The following VAV3 variants were observed in gnomAD, a reference collection of about 807,000 sequenced individuals.
The protein encoded by VAV3 is vav guanine nucleotide exchange factor 3.
In VAV3, 94 loss-of-function variants were observed where a neutral mutation model predicts 131.2. The ratio of observed to expected loss-of-function variants is 0.72; its 90% CI spans 0.61 to 0.85. The LOEUF (loss-of-function observed/expected upper bound fraction) is 0.85. Among genes scored for constraint, VAV3 ranks in the 40% least tolerant of loss-of-function variants. VAV3 has a pLI of 0.00. For synonymous variants in VAV3, 349 were observed against 342.0 expected (o/e 1.02, Z -0.22); for missense variants, 939 against 1,002.7 (o/e 0.94, Z 0.86).
chr1:107,882,197 G>C lies in VAV3; in HGVS notation c.205-7180C>G, dbSNP rs147074948. ...ACATTTCATGAGAAGGTCGGTGAGT[G>C]CTAATAGACCTTCACACAATGTAGA... is the stretch of plus-strand genomic sequence containing the variant. On this transcript the variant is annotated intron_variant, in intron 1 of 26. Transcript: ENST00000370056. 4.1e-3 allele frequency among the ~76,000 whole-genome samples: 625 copies of C among 152,270 alleles called. 5 individuals carry two copies. Among genetic ancestry groups the C allele is most frequent in the African/African-American group, 0.014 (587 of 41,562 alleles).
At chr1:107,899,424 G>T (rs17020298) in intron 1 of VAV3, among the ~76,000 whole-genome samples, 4,295 of 152,224 alleles carry the variant, frequency 0.028, 97 homozygotes, top group East Asian at 0.1. Context: ...CGACCTTACA[G>T]CCCACTAGCA....
rs1019607201 is a variant in VAV3, at chr1:107,823,500, TA to T, written c.322-44009del. Among the ~76,000 whole-genome samples, 186 of 150,200 alleles carry T rather than the reference TA, an allele frequency of 1.2e-3. 1 individual carries two copies. The highest frequency in any genetic ancestry group is 7.2e-3 in the South Asian group (34 of 4,744). On this transcript the variant is annotated intron_variant, in intron 2 of 26. Coordinates refer to ENST00000370056, the MANE Select transcript of VAV3 (RefSeq NM_006113.5). ...ACTCCCCACGTGGGCTGGGTAGCATTAAAAAAAAATAATAAAGATTAGAATA... is the reference window on the plus strand; with the variant it reads ...ACTCCCCACGTGGGCTGGGTAGCATTAAAAAAAATAATAAAGATTAGAATA...
At chr1:107,719,341 G>T (rs561506960) in intron 15 of VAV3, among the ~76,000 whole-genome samples, 1 of 152,160 alleles carries the variant, frequency 6.6e-6, no homozygotes, top group East Asian at 1.9e-4. Context: ...AATCTACAAA[G>T]AACTTAAACA....
chr1:107,817,393 A>G (rs1257779107), intron 2 of VAV3, among the ~76,000 whole-genome samples: 1 of 152,106 alleles, frequency 6.6e-6, no homozygotes, highest in Non-Finnish European at 1.5e-5. Context: ...ATCATCAACC[A>G]CAGCAAGGCT....
intron 1 of VAV3, among the ~76,000 whole-genome samples, chr1:107,923,122 T>C (rs887060583): frequency 1.3e-5 from 2 of 152,174 alleles, no homozygotes; most frequent in African/African-American, 4.8e-5. Context: ...TCCCTTCCTG[T>C]CTCTAGCATC....
At chr1:107,949,102 C>T (rs943936821) in intron 1 of VAV3, among the ~76,000 whole-genome samples, 3 of 152,148 alleles carry the variant, frequency 2.0e-5, no homozygotes, top group African/African-American at 7.2e-5. Flanking sequence ...GCCTCACAAG[C>T]TTATTAGAAT....
At chr1:107,763,786 T>A (rs996493937) in intron 9 of VAV3, among the ~76,000 whole-genome samples, 1 of 152,172 alleles carries the variant, frequency 6.6e-6, no homozygotes, top group Non-Finnish European at 1.5e-5. Context: ...TTTCCCTTTG[T>A]GGGAGTTGTG....
At chr1:107,846,507 T>C (rs915273206) in intron 2 of VAV3, among the ~76,000 whole-genome samples, 1 of 152,202 alleles carries the variant, frequency 6.6e-6, no homozygotes, top group African/African-American at 2.4e-5. Flanking sequence ...TGGTGTGCTG[T>C]ATTCAGGAGA....
At chr1:107,609,798 T>C (rs1652578902) in intron 22 of VAV3, 133 bp downstream of exon 22, 10 of 876,718 alleles carry the variant, frequency 1.1e-5, no homozygotes, top group African/African-American at 1.7e-5. Flanking sequence ...TTATGGTGTT[T>C]TGTTACATCT....
At chr1:107,818,197 A>C (rs1034765669) in intron 2 of VAV3, among the ~76,000 whole-genome samples, 65 of 152,334 alleles carry the variant, frequency 4.3e-4, no homozygotes, top group Non-Finnish European at 1.8e-4. Flanking sequence ...AATTCAGCAG[A>C]TGATGGACAC....
chr1:107,699,476 C>T (rs1315907935), intron 17 of VAV3, among the ~76,000 whole-genome samples: 1 of 152,210 alleles, frequency 6.6e-6, no homozygotes, highest in Non-Finnish European at 1.5e-5. Context: ...TGCGGGTTTT[C>T]CAGGCACAGT....
At chr1:107,699,719 G>C (rs971313760) in intron 17 of VAV3, among the ~76,000 whole-genome samples, 1 of 152,054 alleles carries the variant, frequency 6.6e-6, no homozygotes, top group Admixed American at 6.5e-5. Context: ...GCTTCCCAAA[G>C]CTCGATTCTT....
intron 1 of VAV3, among the ~76,000 whole-genome samples, chr1:107,906,667 A>G (rs1672123639): frequency 6.6e-6 from 1 of 152,190 alleles, no homozygotes; most frequent in Admixed American, 6.5e-5. Context: ...CTCCATTTCA[A>G]AAAAATTAAA....
At chr1:107,752,034 A>G (rs1465998978) in intron 12 of VAV3, among the ~76,000 whole-genome samples, 1 of 152,244 alleles carries the variant, frequency 6.6e-6, no homozygotes, top group East Asian at 1.9e-4. Context: ...AATAGTCAAA[A>G]CAATCTTGAA....
chr1:107,691,437 T>C (rs373761719), intron 17 of VAV3, among the ~76,000 whole-genome samples: 43 of 152,282 alleles, frequency 2.8e-4, no homozygotes, highest in African/African-American at 9.6e-4. Flanking sequence ...AGTTCTGCAA[T>C]AGAGCTGAGA....
At chr1:107,942,110 T>C (rs1674021171) in intron 1 of VAV3, among the ~76,000 whole-genome samples, 1 of 152,184 alleles carries the variant, frequency 6.6e-6, no homozygotes. Flanking sequence ...TGTTAACACC[T>C]TGAAACTCAG....
intron 1 of VAV3, among the ~76,000 whole-genome samples, chr1:107,883,509 A>G (rs1257911869): frequency 6.6e-6 from 1 of 152,250 alleles, no homozygotes; most frequent in South Asian, 2.1e-4. Flanking sequence ...AAAATTTTAC[A>G]TTAAATTGTC....
chr1:107,918,063 C>T (rs1445056918), intron 1 of VAV3, among the ~76,000 whole-genome samples: 1 of 152,142 alleles, frequency 6.6e-6, no homozygotes, highest in Non-Finnish European at 1.5e-5. Context: ...AAGCTAACTT[C>T]AGAAGGAAAT....
intron 12 of VAV3, among the ~76,000 whole-genome samples, chr1:107,752,607 C>CA (rs1365488808): frequency 5.3e-5 from 8 of 152,078 alleles, no homozygotes; most frequent in African/African-American, 1.9e-4. Context: ...AACACAAAGA[C>CA]AAAAAACAAC....
Sources: gnomAD v4.1 joint callset for allele counts (sites outside exome capture counted in the v4.1 genomes callset) on GRCh38, gnomAD v4.1.1 for gene constraint, MANE v1.5 for transcripts, NCBI Gene and HGNC (gene_info 2026-07-23, HGNC 2026-07-21) for gene names.